FKBP9: variants seen among roughly 807,000 people sequenced by gnomAD.
The protein encoded by FKBP9 is FKBP prolyl isomerase 9, also known as peptidyl-prolyl cis-trans isomerase FKBP9.
A neutral mutation model predicts 55.6 loss-of-function variants in FKBP9; 27 were observed. The ratio of observed to expected loss-of-function variants is 0.49; its 90% CI spans 0.36 to 0.67. The LOEUF (loss-of-function observed/expected upper bound fraction) is 0.67, where lower values mean the gene tolerates loss of function less well. FKBP9 is among the 30% of genes least tolerant of loss of function. FKBP9 has a pLI of 0.00. For synonymous variants in FKBP9, 267 were observed against 296.5 expected, an observed-to-expected ratio of 0.90 and a Z score of 1.02; for missense variants, 539 against 742.8, an observed-to-expected ratio of 0.73 and a Z score of 3.19.
At position 32,962,566 on chromosome 7, in the gene FKBP9, T is replaced by C. The variant is rs1464524821; in HGVS notation, c.221+4772T>C. 7.5e-4 allele frequency among the ~76,000 whole-genome samples: 114 copies of C among 152,040 alleles called. 1 individual carries two copies. The highest frequency in any genetic ancestry group is 1.2e-4 in the Non-Finnish European group (8 of 67,968). On this transcript the variant is annotated intron_variant, in intron 1 of 9. Transcript: ENST00000242209. ...TCACATCACTGCAGCCTCTGCTTCC[T>C]GGGTTCAAGCAATTCTTGTGCCTCA... is the stretch of plus-strand genomic sequence containing the variant.
intron 6 of FKBP9, among the ~76,000 whole-genome samples, chr7:32,990,219 A>G (rs1784653673): frequency 6.6e-6 from 1 of 152,148 alleles, no homozygotes; most frequent in Non-Finnish European, 1.5e-5. Context: ...GGTGGCCTCA[A>G]AATACTTGCA....
chr7:33,003,614 C>T (rs1324224505), intron 9 of FKBP9, among the ~76,000 whole-genome samples: 10 of 152,318 alleles, frequency 6.6e-5, no homozygotes, highest in East Asian at 5.8e-4. Context: ...CAATGTCTTC[C>T]GTATCGCGGA....
intron 5 of FKBP9, among the ~76,000 whole-genome samples, chr7:32,985,543 C>T (rs1472809362): frequency 1.3e-5 from 2 of 152,014 alleles, no homozygotes. Flanking sequence ...GTATATATTT[C>T]CTGCTTAATT....
chr7:33,004,700 T>C (rs1785001124), intron 9 of FKBP9, among the ~76,000 whole-genome samples: 1 of 152,274 alleles, frequency 6.6e-6, no homozygotes, highest in African/African-American at 2.4e-5. Flanking sequence ...TTTATGTTCA[T>C]GTCTAATTGT....
intron 8 of FKBP9, among the ~76,000 whole-genome samples, chr7:33,002,475 A>G (rs1336073738): frequency 6.6e-6 from 1 of 152,196 alleles, no homozygotes; most frequent in Non-Finnish European, 1.5e-5. Flanking sequence ...AACGCTGGTC[A>G]CCACCCTCTA....
rs1361836190 is a variant in FKBP9 at position 32,973,700 on chromosome 7, T to TG, written c.222-917_222-916insG. 8.5e-5 allele frequency among the ~76,000 whole-genome samples: 11 copies of TG among 129,456 alleles called. 1 individual carries two copies. The South Asian group carries it at 1.1e-3, about 13-fold the overall frequency. 84.9% of individuals were successfully genotyped at this position (129,456 alleles called of 152,430 possible). ...TTTTGTTGTTTTTTTTTTTTTTTTT[T>TG]TTTTTTTTGACACAGAGTCTTGCTC... On this transcript the variant is annotated intron_variant, in intron 1 of 9. Transcript: ENST00000242209.
At chr7:32,960,514 C>T (rs992842370) in intron 1 of FKBP9, among the ~76,000 whole-genome samples, 3 of 152,170 alleles carry the variant, frequency 2.0e-5, no homozygotes, top group Non-Finnish European at 4.4e-5. Flanking sequence ...GCATCATATG[C>T]GTATTGACCA....
At position 32,988,566 on chromosome 7, in the gene FKBP9, T is replaced by A. The variant is rs368581521; in HGVS notation, c.953T>A (p.Met318Lys). The A allele has an allele frequency of 4.3e-6, 7 of 1,613,760 alleles. No homozygotes were observed. The highest frequency in any genetic ancestry group is 5.9e-6 in the Non-Finnish European group (7 of 1,179,852). Residue 318 changes from methionine to lysine, a missense_variant, in exon 6 of 10, where the codon ATG becomes AAG. By Grantham distance (95) the Met-to-Lys change is moderately conservative. This residue lies in a region of FKBP9 where 172 missense variants were observed against 205.3 expected (regional missense o/e 0.84). Transcript: ENST00000242209. ...YIGQGYVIPG[M>K]DEGLLGVCIG... ...GGGCAGGGCTACGTGATTCCTGGGA[T>A]GGATGAAGGTCTACTTGGTGTTTGC... is the stretch of plus-strand genomic sequence containing the variant.
intron 6 of FKBP9, among the ~76,000 whole-genome samples, chr7:32,989,561 A>T (rs1329178493): frequency 1.3e-5 from 2 of 151,752 alleles, no homozygotes; most frequent in Middle Eastern, 3.4e-3. Flanking sequence ...GACTACAGGC[A>T]TGTGCCACCA....
intron 8 of FKBP9, among the ~76,000 whole-genome samples, chr7:33,001,662 T>C (rs1201527707): frequency 1.3e-5 from 2 of 152,070 alleles, no homozygotes; most frequent in African/African-American, 4.8e-5. Flanking sequence ...ATAATACACA[T>C]TACCTTTATA....
chr7:33,003,203 A>G (rs1784965225), intron 9 of FKBP9, among the ~76,000 whole-genome samples: 1 of 152,168 alleles, frequency 6.6e-6, no homozygotes, highest in Non-Finnish European at 1.5e-5. Flanking sequence ...AAGGTAAATG[A>G]CTTGTCCAAG....
intron 9 of FKBP9, 125 bp from the exon 10 acceptor site, chr7:33,005,050 T>C: frequency 1.4e-6 from 2 of 1,440,670 alleles, no homozygotes; most frequent in Non-Finnish European, 9.3e-7. Context: ...AAAAAGATCT[T>C]GTCTGTGTTG....
intron 5 of FKBP9, among the ~76,000 whole-genome samples, chr7:32,986,823 G>A (rs1481778762): frequency 3.9e-5 from 6 of 152,244 alleles, no homozygotes; most frequent in East Asian, 1.9e-4. Context: ...TGGCAGGACC[G>A]ACTGGCTCTT....
intron 7 of FKBP9, among the ~76,000 whole-genome samples, chr7:32,999,557 T>C (rs1335799138): frequency 1.3e-5 from 2 of 151,870 alleles, no homozygotes; most frequent in Non-Finnish European, 2.9e-5. Context: ...GAGCCCTTTG[T>C]ACTTCCCCTC....
chr7:32,980,486 C>T lies in FKBP9; in HGVS notation c.826C>T (p.Gln276Ter), dbSNP rs1458030065. ...VVPENCERIS[Q>*]SGDFLRYHYN... The stretch of plus-strand genomic sequence containing the variant: ...ACCTGAAAACTGTGAGCGGATAAGT[C>T]AAAGTGGGGACTTTCTCAGGTATCA... Residue 276 changes from glutamine (Q) to a stop codon, truncating the protein, a stop_gained, in exon 5 of 10, where the codon CAA (glutamine) becomes TAA (stop). Transcript: ENST00000242209. LOFTEE classifies it high-confidence loss of function. The T allele has an allele frequency of 6.2e-7, 1 of 1,613,716 alleles. No homozygotes were observed. The highest frequency in any genetic ancestry group is 1.7e-5 in the Admixed American group (1 of 59,966).
At chr7:32,979,559 C>T in intron 4 of FKBP9, 1 of 1,550,436 alleles carries the variant, frequency 6.4e-7, no homozygotes, top group Non-Finnish European at 8.7e-7. Flanking sequence ...GGGCCTACTC[C>T]TTTGCATGAT....
Position 32,980,435 on chromosome 7 carries a change from A to G in FKBP9, c.775A>G (p.Ser259Gly). 1.9e-6 allele frequency: 3 copies of G among 1,613,880 alleles called. No homozygotes were observed. The highest frequency in any genetic ancestry group is 2.5e-6 in the Non-Finnish European group (3 of 1,179,860). The change falls in exon 5 of 10, where the codon AGC becomes GGC. Residue 259 changes from serine (S) to glycine (G), a missense_variant. By Grantham distance (56) the Ser-to-Gly change is moderately conservative. This residue lies in a region of FKBP9 where 172 missense variants were observed against 205.3 expected (regional missense o/e 0.84). Coordinates refer to ENST00000242209, the MANE Select transcript of FKBP9 (RefSeq NM_007270.5). Reference protein sequence around the residue: ...ALLDLHNPKDSISIENKVVPE... With the variant: ...ALLDLHNPKDGISIENKVVPE... ...ATTGGACCTCCATAACCCCAAGGAC[A>G]GCATTTCCATTGAGAACAAGGTAGT...
At chr7:32,961,431 G>A (rs544103515) in intron 1 of FKBP9, among the ~76,000 whole-genome samples, 13 of 152,190 alleles carry the variant, frequency 8.5e-5, no homozygotes, top group Non-Finnish European at 1.6e-4. Context: ...CTAGGAATTT[G>A]CTTTTCTGAC....
intron 8 of FKBP9, among the ~76,000 whole-genome samples, chr7:33,001,275 T>A (rs1426588552): frequency 6.6e-6 from 1 of 152,196 alleles, no homozygotes. Context: ...CCGGGTGCGG[T>A]GGCTCATGCC....
Sources: allele counts gnomAD v4.1 joint callset (sites outside exome capture counted in the v4.1 genomes callset), GRCh38; gene constraint gnomAD v4.1.1; regional missense constraint gnomAD v4.1.1; transcripts MANE v1.5; gene names NCBI Gene and HGNC (gene_info 2026-07-23, HGNC 2026-07-21).